RIN2: variants seen among roughly 807,000 people sequenced by gnomAD.
RIN2 encodes the protein RAB5 interacting protein 2.
Under a neutral mutation model 78.0 loss-of-function variants are expected in RIN2, and 36 were observed. That is an observed-to-expected ratio of 0.46 (90% CI 0.35 to 0.61). The LOEUF (loss-of-function observed/expected upper bound fraction) is 0.61. Ranked by LOEUF, RIN2 falls within the 20% of genes least tolerant of loss-of-function variation. The pLI is 0.00. For missense variants in RIN2, 1,087 were observed against 1,159.7 expected (o/e 0.94, Z 0.91); for synonymous variants, 466 against 466.8 (o/e 1.00, Z 0.02).
intron 1 of RIN2, among the ~76,000 whole-genome samples, chr20:19,782,534 C>A (rs1318676310): frequency 6.9e-6 from 1 of 145,238 alleles, no homozygotes; most frequent in Non-Finnish European, 1.5e-5. Flanking sequence ...CCAGCCTGGG[C>A]GACAGAGCGA....
chr20:19,783,291 A>G (rs937022432), intron 1 of RIN2, among the ~76,000 whole-genome samples: 1 of 152,248 alleles, frequency 6.6e-6, no homozygotes, highest in African/African-American at 2.4e-5. Context: ...CAGAGAAGTT[A>G]CTGTGTGCAC....
chr20:19,856,271 T>C (rs1446033126), intron 2 of RIN2, among the ~76,000 whole-genome samples: 1 of 152,154 alleles, frequency 6.6e-6, no homozygotes, highest in African/African-American at 2.4e-5. Context: ...TTTTAAGAGT[T>C]ATTTCAATAA....
intron 1 of RIN2, among the ~76,000 whole-genome samples, chr20:19,768,591 A>G (rs538956393): frequency 1.4e-4 from 22 of 152,182 alleles, no homozygotes; most frequent in Non-Finnish European, 2.5e-4. Context: ...GCGTGGCAGC[A>G]TTTGCCAGAG....
chr20:19,970,760 A>G (rs2042077546), intron 7 of RIN2, 78 bp from the exon 8 acceptor site: 2 of 1,147,030 alleles, frequency 1.7e-6, no homozygotes, highest in Non-Finnish European at 2.6e-6. Context: ...AAGCTAAAAC[A>G]TCTCTATGAT....
chr20:19,971,735 ATTTTTTT>A (rs61019165), intron 8 of RIN2, among the ~76,000 whole-genome samples: 3 of 91,540 alleles, frequency 3.3e-5, no homozygotes, highest in Admixed American at 1.4e-4. Flanking sequence ...TGAAACTGCA[ATTTTTTT>A]TTTTTTTTTT....
intron 2 of RIN2, among the ~76,000 whole-genome samples, chr20:19,853,599 A>G (rs1419068780): frequency 6.6e-6 from 1 of 152,070 alleles, no homozygotes; most frequent in East Asian, 1.9e-4. Context: ...ATGGTATCTC[A>G]TTGTGGTTTT....
At chr20:19,775,317 G>A (rs138837947) in intron 1 of RIN2, among the ~76,000 whole-genome samples, 18 of 152,312 alleles carry the variant, frequency 1.2e-4, no homozygotes, top group Non-Finnish European at 2.1e-4. Context: ...CTGTGAAAAC[G>A]TGGCAGTGCA....
At chr20:19,897,794 C>A (rs2038802777) in intron 3 of RIN2, among the ~76,000 whole-genome samples, 1 of 152,010 alleles carries the variant, frequency 6.6e-6, no homozygotes, top group Admixed American at 6.6e-5. Context: ...TTACTGCAGC[C>A]TGGAACTCCT....
rs190412281 is a variant in RIN2 at position 19,763,422 on chromosome 20, A to G, written c.-163+5095A>G. Among the ~76,000 whole-genome samples, 109 of 152,272 alleles carry G rather than the reference A, an allele frequency of 7.2e-4. 1 individual carries two copies. The highest frequency in any genetic ancestry group is 2.3e-3 in the Admixed American group (35 of 15,294). Reference sequence around the variant, plus strand: ...AAATAAATAAATAAGATATATATGTATATCAGCACAGAGAAGTGTGGAATG... The same window carrying G: ...AAATAAATAAATAAGATATATATGTGTATCAGCACAGAGAAGTGTGGAATG... On this transcript the variant is annotated intron_variant, in intron 1 of 12. Transcript: ENST00000255006.
At chr20:19,829,395 T>C (rs2036187676) in intron 2 of RIN2, among the ~76,000 whole-genome samples, 1 of 152,076 alleles carries the variant, frequency 6.6e-6, no homozygotes, top group South Asian at 2.1e-4. Flanking sequence ...TGAAGGACCC[T>C]CTGTAATAAC....
intron 3 of RIN2, among the ~76,000 whole-genome samples, chr20:19,907,771 T>C (rs2123696707): frequency 6.6e-6 from 1 of 152,314 alleles, no homozygotes; most frequent in East Asian, 1.9e-4. Flanking sequence ...ATCAAAGATA[T>C]GTGTACCTCA....
intron 1 of RIN2, among the ~76,000 whole-genome samples, chr20:19,769,566 A>G (rs2034034329): frequency 6.6e-6 from 1 of 152,226 alleles, no homozygotes; most frequent in Non-Finnish European, 1.5e-5. Flanking sequence ...TTGGATATGT[A>G]AATTACTTCA....
chr20:19,828,169 C>T (rs575660453), intron 2 of RIN2, among the ~76,000 whole-genome samples: 66 of 152,338 alleles, frequency 4.3e-4, no homozygotes, highest in Middle Eastern at 3.4e-3. Flanking sequence ...GACTCCAACT[C>T]ACCTTTAAAC....
chr20:19,895,863 G>C (rs1414214710), intron 3 of RIN2: 4 of 152,230 alleles, frequency 2.6e-5, no homozygotes, highest in African/African-American at 9.6e-5. Context: ...ATGAACCAGT[G>C]GGTGATGATT....
chr20:19,800,317 C>A (rs1197875559), intron 2 of RIN2, among the ~76,000 whole-genome samples: 1 of 152,132 alleles, frequency 6.6e-6, no homozygotes, highest in Non-Finnish European at 1.5e-5. Flanking sequence ...GCCACTATGG[C>A]AGATCATATT....
intron 3 of RIN2, among the ~76,000 whole-genome samples, chr20:19,912,709 G>A (rs932286428): frequency 1.3e-5 from 2 of 151,990 alleles, no homozygotes; most frequent in African/African-American, 4.8e-5. Flanking sequence ...AAACTCCTGA[G>A]CTCAAGTGAT....
chr20:19,925,201 GGA>G (rs2040180708), intron 3 of RIN2, among the ~76,000 whole-genome samples: 2 of 152,158 alleles, frequency 1.3e-5, no homozygotes, highest in Admixed American at 6.5e-5. Context: ...ACAGGCTGGG[GGA>G]ACCCAGCTCT....
rs1217222318 is a variant in RIN2 at position 19,970,838 on chromosome 20, G to A, written c.537G>A (p.Arg179=). The change falls in exon 8 of 13, where the codon AGG becomes AGA. Residue 179 remains arginine (R), a splice_region_variant and synonymous_variant. Coordinates refer to ENST00000255006, the MANE Select transcript of RIN2 (RefSeq NM_018993.4). ...FRLIAFYCIS[R]DVLPFTLKLP... Reference sequence around the variant, plus strand: ...ATTCTCTCTTTTTCTGAACAATCAGGGATGTTCTACCATTTACCTTGAAGT... The same window carrying A: ...ATTCTCTCTTTTTCTGAACAATCAGAGATGTTCTACCATTTACCTTGAAGT... The A allele has an allele frequency of 4.4e-6, 7 of 1,608,932 alleles. No individual in the cohort carries two copies. Among genetic ancestry groups the A allele is most frequent in the Non-Finnish European group, 6.0e-6 (7 of 1,175,970 alleles).
Position 19,968,125 on chromosome 20 carries a change from G to A in RIN2, c.537-2713G>A, listed in dbSNP as rs906391515. On this transcript the variant is annotated intron_variant, in intron 7 of 12. Coordinates refer to ENST00000255006, the MANE Select transcript of RIN2 (RefSeq NM_018993.4). ...CCATTAGCTCTGCGAAGGTGTGCTA[G>A]GGACCTCACTTGTCTGTGTCGTCAT... Among the ~76,000 whole-genome samples the A allele has an allele frequency of 2.0e-5, 3 of 152,246 alleles. No homozygotes were observed. In the East Asian group the frequency reaches 5.8e-4, roughly 29 times the overall value.
Sources: gnomAD v4.1 joint callset for allele counts (sites outside exome capture counted in the v4.1 genomes callset) on GRCh38, gnomAD v4.1.1 for gene constraint, MANE v1.5 for transcripts, NCBI Gene and HGNC (gene_info 2026-07-23, HGNC 2026-07-21) for gene names.